The following FRY variants were observed in gnomAD, a reference collection of about 807,000 sequenced individuals.
FRY encodes protein furry homolog.
A neutral mutation model predicts 348.4 loss-of-function variants in FRY; 128 were observed. The ratio of observed to expected loss-of-function variants is 0.37; its 90% confidence interval spans 0.32 to 0.43. The LOEUF is 0.43. FRY is among the 20% of genes least tolerant of loss of function. The pLI, the probability that FRY is intolerant of heterozygous loss-of-function variation, is 1.00. For synonymous variants in FRY, 1,370 were observed against 1,374.7 expected (o/e 1.00, Z 0.08); for missense variants, 2,736 against 3,695.2 (o/e 0.74, Z 6.73).
intron 55 of FRY, among the ~76,000 whole-genome samples, chr13:32,270,906 T>C (rs889646049): frequency 7.2e-5 from 11 of 152,194 alleles, no homozygotes; most frequent in African/African-American, 2.7e-4. Flanking sequence ...TCAGTAAATG[T>C]AGGAAGAATA....
At chr13:32,192,739 CTTTTTTTTT>C (rs71194513) in intron 28 of FRY, among the ~76,000 whole-genome samples, 2 of 99,242 alleles carry the variant, frequency 2.0e-5, no homozygotes, top group Non-Finnish European at 3.9e-5. Context: ...CAGAATGTTA[CTTTTTTTTT>C]TTTTTTTTTT....
At chr13:32,213,622 C>T (rs1884810720) in intron 35 of FRY, among the ~76,000 whole-genome samples, 1 of 152,226 alleles carries the variant, frequency 6.6e-6, no homozygotes, top group African/African-American at 2.4e-5. Context: ...TGGAAAACTA[C>T]CTCATGATAA....
At chr13:32,092,466 G>A (rs559712370) in intron 2 of FRY, among the ~76,000 whole-genome samples, 29 of 152,338 alleles carry the variant, frequency 1.9e-4, no homozygotes, top group African/African-American at 2.4e-4. Context: ...TGAAAATTAA[G>A]GTAGAGGGCG....
At chr13:32,204,221 A>G (rs1004839141) in intron 31 of FRY, among the ~76,000 whole-genome samples, 1 of 152,204 alleles carries the variant, frequency 6.6e-6, no homozygotes, top group Non-Finnish European at 1.5e-5. Flanking sequence ...ACCCCATAGG[A>G]TGTGAAGATT....
Position 32,136,761 on chromosome 13 carries a change from T to A in FRY, c.1078-110T>A. 7.7e-6 allele frequency: 6 copies of A among 779,552 alleles called. No individual in the cohort carries two copies. In the South Asian group the frequency reaches 8.3e-5, roughly 11 times the overall value. The allele number at this position is 779,552 out of a possible 1,614,324, so 48.3% of individuals were successfully genotyped here. A position where few individuals can be genotyped will look rare whatever the true frequency, so the allele number is the denominator to read the frequency against. Reference sequence around the variant, plus strand: ...TTGTGCTACACAGTGTCCTGTTTCTTGCCCACAGGGCCCCCGAGGGAGATG... The same window carrying A: ...TTGTGCTACACAGTGTCCTGTTTCTAGCCCACAGGGCCCCCGAGGGAGATG... On this transcript the variant is annotated intron_variant, in intron 10 of 60. Coordinates refer to ENST00000542859, the MANE Select transcript of FRY (RefSeq NM_023037.3).
At chr13:32,160,693 A>C (rs1367218755) in intron 16 of FRY, among the ~76,000 whole-genome samples, 1 of 151,596 alleles carries the variant, frequency 6.6e-6, no homozygotes, top group Non-Finnish European at 1.5e-5. Context: ...AACAGGACAA[A>C]GAGCTCTAGG....
intron 1 of FRY, among the ~76,000 whole-genome samples, chr13:32,036,313 GACTT>G (rs1180766631): frequency 6.6e-6 from 1 of 152,110 alleles, no homozygotes; most frequent in Non-Finnish European, 1.5e-5. Flanking sequence ...ATTAGAAGGA[GACTT>G]ACTCCAGTGT....
At chr13:32,040,026 A>G (rs942889945) in intron 1 of FRY, among the ~76,000 whole-genome samples, 1 of 152,248 alleles carries the variant, frequency 6.6e-6, no homozygotes, top group African/African-American at 2.4e-5. Context: ...TTATGGAAAT[A>G]TACAATTAAA....
chr13:32,156,998 G>A (rs1881155243), intron 15 of FRY, among the ~76,000 whole-genome samples: 1 of 152,022 alleles, frequency 6.6e-6, no homozygotes, highest in African/African-American at 2.4e-5. Flanking sequence ...TTTGAATTTT[G>A]TATTTTCTTA....
At chr13:32,245,246 C>T (rs771710219) in intron 47 of FRY, among the ~76,000 whole-genome samples, 35 of 151,906 alleles carry the variant, frequency 2.3e-4, no homozygotes, top group Non-Finnish European at 4.9e-4. Flanking sequence ...CACGTCCAGC[C>T]CAGATTGATT....
At position 32,105,699 on chromosome 13, in the gene FRY, A is replaced by G. The variant is rs568312098; in HGVS notation, c.324+3683A>G. 3.3e-5 allele frequency among the ~76,000 whole-genome samples: 5 copies of G among 152,324 alleles called. No homozygotes were observed. The South Asian group carries it at 1.0e-3, about 32-fold the overall frequency. ...TAGGAGTAGTTGTAATAGTAGAGAT[A>G]GCATTTATTTAGTACTTATATGTGA... is the stretch of plus-strand genomic sequence containing the variant. On this transcript the variant is annotated intron_variant, in intron 3 of 60. Transcript: ENST00000542859.
chr13:32,175,765 A>G, intron 20 of FRY, 133 bp downstream of exon 20: 1 of 666,426 alleles, frequency 1.5e-6, no homozygotes, highest in Non-Finnish European at 2.7e-6. Context: ...GTACTTATGA[A>G]GATAAGACTA....
intron 3 of FRY, among the ~76,000 whole-genome samples, chr13:32,109,195 A>G (rs1468950509): frequency 2.0e-5 from 3 of 152,192 alleles, no homozygotes; most frequent in Admixed American, 6.5e-5. Flanking sequence ...ACAAAGGATA[A>G]CTGTAGTTTT....
chr13:32,287,711 TACG>T (rs1188682959), intron 58 of FRY: 1 of 206,188 alleles, frequency 4.8e-6, no homozygotes, highest in Non-Finnish European at 1.1e-5. Flanking sequence ...GTTGAATGGG[TACG>T]ACATTTGCAA....
At chr13:32,112,470 C>T (rs1347016506) in intron 3 of FRY, among the ~76,000 whole-genome samples, 1 of 152,088 alleles carries the variant, frequency 6.6e-6, no homozygotes, top group Non-Finnish European at 1.5e-5. Flanking sequence ...TAACTTGAAC[C>T]CAAGACCATT....
chr13:32,143,392 C>A (rs1367063490), intron 11 of FRY, among the ~76,000 whole-genome samples: 1 of 152,140 alleles, frequency 6.6e-6, no homozygotes, highest in African/African-American at 2.4e-5. Flanking sequence ...TGCTACTTTG[C>A]TTTTCAGTGC....
chr13:32,228,379 T>G (rs1885714083), intron 39 of FRY, 77 bp from the exon 40 acceptor site: 1 of 1,057,028 alleles, frequency 9.5e-7, no homozygotes, highest in South Asian at 1.3e-5. Flanking sequence ...TTCCCTGCCC[T>G]CCTCTGTGGA....
At chr13:32,051,000 A>G (rs1378467687) in intron 1 of FRY, among the ~76,000 whole-genome samples, 3 of 152,228 alleles carry the variant, frequency 2.0e-5, no homozygotes, top group African/African-American at 7.2e-5. Flanking sequence ...ACAGACTCTG[A>G]AAAGCAACAA....
At chr13:32,047,288 T>C (rs1331943760) in intron 1 of FRY, among the ~76,000 whole-genome samples, 2 of 152,262 alleles carry the variant, frequency 1.3e-5, no homozygotes, top group East Asian at 3.8e-4. Context: ...GTTGGCTCAT[T>C]GCCAAGACAG....
Sources: gnomAD v4.1 joint callset for allele counts (sites outside exome capture counted in the v4.1 genomes callset) on GRCh38, gnomAD v4.1.1 for gene constraint, MANE v1.5 for transcripts, NCBI Gene and HGNC (gene_info 2026-07-23, HGNC 2026-07-21) for gene names.